The following LOC101059915 variants were observed in gnomAD, a reference collection of about 807,000 sequenced individuals.
At chrX:71,671,456 C>T in the LOC101059915 span, 1 of 400,448 alleles carries the variant, frequency 2.5e-6, no homozygotes, top group Non-Finnish European at 4.4e-6. Context: ...CCAGGGCTTC[C>T]TCTCTTCTGC....
the LOC101059915 span, chrX:71,668,408 G>A: frequency 1.7e-6 from 2 of 1,159,896 alleles, no homozygotes. Flanking sequence ...GGCCCCGCCG[G>A]GCTGAATACT....
chrX:71,669,878 A>G, the LOC101059915 span, among the ~76,000 whole-genome samples: 2 of 94,083 alleles, frequency 2.1e-5, no homozygotes, highest in Non-Finnish European at 4.2e-5. Flanking sequence ...TTTAAGCCAC[A>G]TCGTCCTCTC....
the LOC101059915 span, chrX:71,668,935 C>T: frequency 1.8e-4 from 201 of 1,147,450 alleles, no homozygotes; most frequent in Non-Finnish European, 3.6e-5. Context: ...GGAGCCCAAG[C>T]ACAGCAGCCC....
the LOC101059915 span, chrX:71,667,808 G>A: frequency 9.4e-7 from 1 of 1,061,204 alleles, no homozygotes; most frequent in Non-Finnish European, 1.2e-6. Context: ...GGCGCCATGA[G>A]CTCCACGGAT....
the LOC101059915 span, chrX:71,667,726 C>T: frequency 5.3e-6 from 5 of 944,936 alleles, no homozygotes; most frequent in Non-Finnish European, 6.6e-6. Context: ...CTGGGCTTGG[C>T]TGGGCTCGGC....
the LOC101059915 span, chrX:71,671,266 C>T: frequency 1.7e-6 from 2 of 1,162,875 alleles, no homozygotes; most frequent in Non-Finnish European, 2.3e-6. Flanking sequence ...TTGCACACGT[C>T]ATGTCCCTTT....
chrX:71,670,114 G>A, the LOC101059915 span: 39 of 768,636 alleles, frequency 5.1e-5, no homozygotes, highest in Non-Finnish European at 6.6e-5. Flanking sequence ...AGGGAAGACC[G>A]TCCCAGAGGG....
chrX:71,668,028 G>A, the LOC101059915 span: 28 of 1,164,676 alleles, frequency 2.4e-5, no homozygotes, highest in East Asian at 9.1e-4. Context: ...AATTGATAGA[G>A]CAGGGAAGGG....
At chrX:71,668,449 G>A in the LOC101059915 span, 1 of 1,161,536 alleles carries the variant, frequency 8.6e-7, no homozygotes, top group Non-Finnish European at 1.1e-6. Context: ...TGAGAGCAGC[G>A]ACTTACCGGT....
At chrX:71,668,887 T>G in the LOC101059915 span, 1 of 1,109,280 alleles carries the variant, frequency 9.0e-7, no homozygotes, top group Non-Finnish European at 1.2e-6. Context: ...CCCGCCAGTG[T>G]CTGGCGTGGG....
chrX:71,668,263 G>A, the LOC101059915 span: 2 of 1,131,269 alleles, frequency 1.8e-6, no homozygotes, highest in Non-Finnish European at 2.3e-6. Flanking sequence ...CCCCAGCCCT[G>A]GAGAATGGCA....
At chrX:71,667,780 T>G in the LOC101059915 span, 1 of 1,038,292 alleles carries the variant, frequency 9.6e-7, no homozygotes, top group African/African-American at 2.0e-5. Context: ...CCCCACAGCC[T>G]GGCTGTCTAG....
At chrX:71,667,745 C>A in the LOC101059915 span, 2 of 994,334 alleles carry the variant, frequency 2.0e-6, no homozygotes, top group Non-Finnish European at 2.5e-6. Context: ...GCTCTCCTCT[C>A]CCACTGTTAC....
the LOC101059915 span, chrX:71,667,837 G>T: frequency 9.3e-7 from 1 of 1,079,278 alleles, no homozygotes; most frequent in Non-Finnish European, 1.2e-6. Flanking sequence ...CGTTTGCAGG[G>T]CTGGTTTAGG....
chrX:71,669,111 C>A, the LOC101059915 span: 2 of 1,072,084 alleles, frequency 1.9e-6, no homozygotes, highest in Non-Finnish European at 2.5e-6. Flanking sequence ...CTCTGTCTCC[C>A]CCCACCCACC....
the LOC101059915 span, chrX:71,669,094 C>T: frequency 1.8e-6 from 2 of 1,108,487 alleles, no homozygotes; most frequent in South Asian, 2.2e-5. Context: ...TCCTCTTCCT[C>T]TTTCTCCTCT....
the LOC101059915 span, chrX:71,667,801 G>A: frequency 2.6e-5 from 28 of 1,056,618 alleles, no homozygotes; most frequent in East Asian, 3.7e-5. Flanking sequence ...ACTGGCGGGC[G>A]CCATGAGCTC....
chrX:71,667,656 C>A, the LOC101059915 span: 1 of 543,359 alleles, frequency 1.8e-6, no homozygotes, highest in Non-Finnish European at 2.5e-6. Flanking sequence ...CCCCAGAGCA[C>A]CACCCTTCCC....
At chrX:71,671,196 C>G in the LOC101059915 span, 2 of 1,165,507 alleles carry the variant, frequency 1.7e-6, no homozygotes, top group Non-Finnish European at 2.3e-6. Context: ...AGTTCTGTCT[C>G]TCTGTTTCAG....
Sources: gnomAD v4.1 joint callset for allele counts (sites outside exome capture counted in the v4.1 genomes callset) on GRCh38, gnomAD v4.1.1 for gene constraint, MANE v1.5 for transcripts.